Variants in HIBCH observed in about 807,000 individuals in gnomAD.
HIBCH encodes 3-hydroxyisobutyryl-CoA hydrolase.
Under a neutral mutation model 58.2 loss-of-function variants are expected in HIBCH, and 50 were observed. That is an observed-to-expected ratio of 0.86 (90% CI 0.68 to 1.09). The LOEUF is 1.09. Ranked by LOEUF, HIBCH falls within the 50% of genes least tolerant of loss-of-function variation. The pLI, the probability that HIBCH is intolerant of heterozygous loss-of-function variation, is 0.00. For missense variants in HIBCH, 450 were observed against 449.7 expected (o/e 1.00, Z -0.01); for synonymous variants, 151 against 146.9 (o/e 1.03, Z -0.20).
At position 190,236,868 on chromosome 2, in the gene HIBCH, G is replaced by A. The variant is rs1018233377; in HGVS notation, c.891+8019C>T. Among the ~76,000 whole-genome samples, 8 of 152,048 alleles carry A rather than the reference G, an allele frequency of 5.3e-5. No homozygotes were observed. Among genetic ancestry groups the A allele is most frequent in the African/African-American group, 1.4e-4 (6 of 41,418 alleles). The stretch of plus-strand genomic sequence containing the variant: ...ATGCCAATGGTAGCATTTAAGGGTC[G>A]CTAAGGCCCATCAGTGAACTAGAAA... On this transcript the variant is annotated intron_variant, in intron 11 of 13. Transcript: ENST00000359678. The surrounding 1 kb of genome is among the most constrained non-coding windows in gnomAD (Gnocchi z 4.1).
downstream of HIBCH, chr2:190,202,218 CA>C (rs1169825150): frequency 6.0e-6 from 1 of 166,980 alleles, no homozygotes; most frequent in Non-Finnish European, 1.5e-5. Context: ...GCAACTATGG[CA>C]GTATACTTTT....
intron 9 of HIBCH, among the ~76,000 whole-genome samples, chr2:190,248,393 C>T (rs1378195570): frequency 1.3e-5 from 2 of 152,020 alleles, no homozygotes; most frequent in Non-Finnish European, 2.9e-5. Context: ...GTTCTGCAAG[C>T]CAACTAGGGA....
chr2:190,310,161 C>G (rs934835909), intron 2 of HIBCH, among the ~76,000 whole-genome samples: 4 of 152,202 alleles, frequency 2.6e-5, no homozygotes, highest in Non-Finnish European at 5.9e-5. Context: ...TGGACTTATA[C>G]CAGTGGTTTG....
rs1026340792 is a variant in HIBCH at position 190,211,746 on chromosome 2, T to C, written c.1011+1210A>G. Among the ~76,000 whole-genome samples, 5 of 152,218 alleles carry C rather than the reference T, an allele frequency of 3.3e-5. No individual in the cohort carries two copies. The highest frequency in any genetic ancestry group is 4.4e-5 in the Non-Finnish European group (3 of 68,040). On this transcript the variant is annotated intron_variant, in intron 12 of 13. Transcript: ENST00000359678. This position sits in a 1 kb window ranked among gnomAD's most constrained non-coding sequence, Gnocchi z 5.0. ...ATTTATAATTATTTTACTTATTTTG[T>C]TTACTTGTTCTTTGTAGTCTCAGTA... is the stretch of plus-strand genomic sequence containing the variant.
intron 1 of HIBCH, among the ~76,000 whole-genome samples, chr2:190,318,558 A>C (rs1471300932): frequency 6.6e-6 from 1 of 152,184 alleles, no homozygotes; most frequent in Admixed American, 6.5e-5. Flanking sequence ...CAAAGCCCCC[A>C]AAATGGTCCT....
chr2:190,275,504 T>C (rs1045613954), intron 6 of HIBCH, among the ~76,000 whole-genome samples: 2 of 152,152 alleles, frequency 1.3e-5, no homozygotes, highest in Non-Finnish European at 2.9e-5. Flanking sequence ...TAGCTTGAGG[T>C]CCTAAGAGGG....
chr2:190,279,440 G>A lies in HIBCH; in HGVS notation c.438+8146C>T, dbSNP rs569782773. Among the ~76,000 whole-genome samples, 37 of 152,102 alleles carry A rather than the reference G, an allele frequency of 2.4e-4. No homozygotes were observed. Among genetic ancestry groups the A allele is most frequent in the Admixed American group, 1.6e-3 (25 of 15,276 alleles). On this transcript the variant is annotated intron_variant, in intron 6 of 13. Transcript: ENST00000359678. This position sits in a 1 kb window ranked among gnomAD's most constrained non-coding sequence, Gnocchi z 4.2. ...TGTTTCAGCACCAACTCAAAATTCC[G>A]AAGTCCAGAGTCCCATCTGTGAAGC... is the stretch of plus-strand genomic sequence containing the variant.
chr2:190,291,156 A>G (rs982250098), intron 4 of HIBCH, among the ~76,000 whole-genome samples: 3 of 152,354 alleles, frequency 2.0e-5, no homozygotes, highest in Middle Eastern at 3.4e-3. Context: ...GTATAGTGCT[A>G]CAACGTATCC....
Position 190,252,151 on chromosome 2 carries a change from TG to T in HIBCH, c.663+10del. The stretch of plus-strand genomic sequence containing the variant: ...TCCAACAATACAAAATGCAAACATC[TG>T]AAAAAGTACCTTTTCAGAATCTACA... On this transcript the variant is annotated intron_variant, in intron 8 of 13. Transcript: ENST00000359678. The T allele has an allele frequency of 6.2e-7, 1 of 1,613,324 alleles. No homozygotes were observed. The highest frequency in any genetic ancestry group is 1.7e-5 in the Admixed American group (1 of 60,020).
At chr2:190,238,546 C>A (rs191664085) in intron 11 of HIBCH, among the ~76,000 whole-genome samples, 409 of 152,288 alleles carry the variant, frequency 2.7e-3, no homozygotes, top group African/African-American at 9.5e-3. Flanking sequence ...CTCACTACAA[C>A]CTCTGCCTCC....
chr2:190,305,968 A>T (rs1688393788), intron 2 of HIBCH, among the ~76,000 whole-genome samples: 1 of 152,124 alleles, frequency 6.6e-6, no homozygotes, highest in Non-Finnish European at 1.5e-5. Flanking sequence ...TATCTTTCTC[A>T]GGCACTTTTC....
chr2:190,261,038 C>T (rs1280453940), intron 7 of HIBCH, 118 bp downstream of exon 7: 4 of 756,126 alleles, frequency 5.3e-6, no homozygotes, highest in African/African-American at 3.6e-5. Context: ...TTTTAAAATC[C>T]TTTCATTGTT....
At chr2:190,231,970 T>C (rs1704546037) in intron 11 of HIBCH, among the ~76,000 whole-genome samples, 1 of 152,138 alleles carries the variant, frequency 6.6e-6, no homozygotes, top group African/African-American at 2.4e-5. Context: ...CCAAGGTGTG[T>C]GGATCACCTG....
At chr2:190,308,031 TTC>T (rs1020870693) in intron 2 of HIBCH, among the ~76,000 whole-genome samples, 3 of 152,172 alleles carry the variant, frequency 2.0e-5, no homozygotes, top group African/African-American at 7.2e-5. Context: ...CTCTTTCTCT[TTC>T]TCTCTCTCTG....
intron 6 of HIBCH, among the ~76,000 whole-genome samples, chr2:190,269,587 G>A (rs1687333445): frequency 6.6e-6 from 1 of 152,176 alleles, no homozygotes; most frequent in African/African-American, 2.4e-5. Context: ...CTGCTGGCAA[G>A]GCAGTGGAAA....
chr2:190,229,707 C>T (rs941737087), intron 11 of HIBCH, among the ~76,000 whole-genome samples: 51 of 152,302 alleles, frequency 3.3e-4, no homozygotes, highest in African/African-American at 1.2e-3. Context: ...AGAAATAAAT[C>T]AGTGCAAAAC....
At chr2:190,298,225 T>A (rs139398504) in intron 2 of HIBCH, among the ~76,000 whole-genome samples, 2 of 152,302 alleles carry the variant, frequency 1.3e-5, no homozygotes, top group African/African-American at 4.8e-5. Context: ...TATGTGTACA[T>A]GTGCCTTTCT....
intron 6 of HIBCH, among the ~76,000 whole-genome samples, chr2:190,271,282 C>CTTTTT (rs35074167): frequency 3.0e-4 from 25 of 83,778 alleles, no homozygotes; most frequent in Non-Finnish European, 3.7e-4. Flanking sequence ...CTCTACCCTA[C>CTTTTT]TTTTTTTTTT....
intron 11 of HIBCH, among the ~76,000 whole-genome samples, chr2:190,234,891 T>C (rs1432065020): frequency 6.6e-6 from 1 of 151,546 alleles, no homozygotes; most frequent in East Asian, 1.9e-4. Context: ...ATAATGGTTA[T>C]GTATTCTGGA....
Sources: gnomAD v4.1 joint callset for allele counts (sites outside exome capture counted in the v4.1 genomes callset) on GRCh38, gnomAD v4.1.1 for gene constraint, Gnocchi (gnomAD v3.1) non-coding constraint, MANE v1.5 for transcripts, NCBI Gene and HGNC (gene_info 2026-07-23, HGNC 2026-07-21) for gene names.